The following ADK variants were observed in gnomAD, a reference collection of about 807,000 sequenced individuals.
ADK encodes the protein adenosine kinase.
Under a neutral mutation model 44.7 loss-of-function variants are expected in ADK, and 24 were observed. The ratio of observed to expected loss-of-function variants is 0.54; its 90% CI spans 0.39 to 0.76. The LOEUF is 0.76. Among genes scored for constraint, ADK ranks in the 30% least tolerant of loss-of-function variants. The pLI is 0.00. For synonymous variants in ADK, 128 were observed against 142.6 expected, an observed-to-expected ratio of 0.90 and a Z score of 0.73; for missense variants, 321 against 425.1, an observed-to-expected ratio of 0.76 and a Z score of 2.15.
At chr10:74,402,457 T>C (rs558643627) in intron 6 of ADK, among the ~76,000 whole-genome samples, 20 of 152,296 alleles carry the variant, frequency 1.3e-4, no homozygotes, top group Non-Finnish European at 2.4e-4. Context: ...TCTTTTTTTT[T>C]CTCTAAACTA....
chr10:74,340,656 A>C (rs1251977387), intron 4 of ADK, among the ~76,000 whole-genome samples: 1 of 152,200 alleles, frequency 6.6e-6, no homozygotes. Flanking sequence ...AAATAACATA[A>C]ATAGAAATTC....
intron 7 of ADK, among the ~76,000 whole-genome samples, chr10:74,527,132 C>T (rs201373414): frequency 6.6e-6 from 1 of 152,120 alleles, no homozygotes; most frequent in African/African-American, 2.4e-5. Context: ...GAGGCAGAGG[C>T]GGGTGGATCA....
intron 3 of ADK, among the ~76,000 whole-genome samples, chr10:74,309,058 T>C (rs747314722): frequency 1.3e-4 from 20 of 152,176 alleles, no homozygotes; most frequent in Non-Finnish European, 2.9e-4. Flanking sequence ...TAAATGATTC[T>C]ATGTTGAAGG....
intron 9 of ADK, among the ~76,000 whole-genome samples, chr10:74,621,807 T>G (rs922982243): frequency 5.3e-5 from 8 of 152,134 alleles, no homozygotes; most frequent in African/African-American, 9.7e-5. Flanking sequence ...AGAGTCCAAT[T>G]AGATCTAGGA....
chr10:74,404,965 G>T (rs992831326), intron 6 of ADK, among the ~76,000 whole-genome samples: 1 of 151,940 alleles, frequency 6.6e-6, no homozygotes, highest in Non-Finnish European at 1.5e-5. Flanking sequence ...ATTATGTTTG[G>T]AATATTTGCA....
chr10:74,540,252 T>A (rs889412802), intron 7 of ADK, among the ~76,000 whole-genome samples: 3 of 152,184 alleles, frequency 2.0e-5, no homozygotes, highest in African/African-American at 7.2e-5. Context: ...CTGTGTAATT[T>A]GAAATAGTTT....
intron 6 of ADK, among the ~76,000 whole-genome samples, chr10:74,484,587 GA>G (rs1157303640): frequency 6.6e-6 from 1 of 152,070 alleles, no homozygotes; most frequent in South Asian, 2.1e-4. Context: ...AGATTTTTGT[GA>G]AACTTTACCA....
At chr10:74,429,526 G>A (rs1488599969) in intron 6 of ADK, among the ~76,000 whole-genome samples, 2 of 152,118 alleles carry the variant, frequency 1.3e-5, no homozygotes, top group Admixed American at 1.3e-4. Flanking sequence ...TATCTGTTGT[G>A]GGAGTAGGGA....
At chr10:74,383,412 C>CTG (rs1171778180) in intron 4 of ADK, among the ~76,000 whole-genome samples, 19 of 150,420 alleles carry the variant, frequency 1.3e-4, no homozygotes, top group Middle Eastern at 3.4e-3. Context: ...GTCTCTGTCT[C>CTG]TCTCTCTCTC....
At position 74,328,951 on chromosome 10, in the gene ADK, A is replaced by G. The variant is rs1383190590; in HGVS notation, c.273+14206A>G. 2.0e-5 allele frequency among the ~76,000 whole-genome samples: 3 copies of G among 152,032 alleles called. No homozygotes were observed. The East Asian group carries it at 5.8e-4, about 29-fold the overall frequency. On this transcript the variant is annotated intron_variant, in intron 4 of 10. Coordinates refer to ENST00000539909, the MANE Select transcript of ADK (RefSeq NM_006721.4). ...GTAGTCGTCTTGCCACTGAGAAGAT[A>G]CTAATTGTGACAAGTTAATGGGTGC...
At chr10:74,303,380 T>C (rs1316134839) in intron 3 of ADK, among the ~76,000 whole-genome samples, 1 of 152,092 alleles carries the variant, frequency 6.6e-6, no homozygotes, top group East Asian at 1.9e-4. Flanking sequence ...TTCAATAGGA[T>C]TAAAAACACA....
At chr10:74,582,831 T>C (rs1851415780) in intron 7 of ADK, among the ~76,000 whole-genome samples, 1 of 152,170 alleles carries the variant, frequency 6.6e-6, no homozygotes, top group Non-Finnish European at 1.5e-5. Context: ...AAGCATATGG[T>C]AACAAATGTC....
intron 7 of ADK, among the ~76,000 whole-genome samples, chr10:74,568,357 A>G (rs943473012): frequency 2.0e-5 from 3 of 152,058 alleles, no homozygotes; most frequent in Admixed American, 6.5e-5. Flanking sequence ...TACAGTCAGC[A>G]TCAATGTTGA....
chr10:74,691,717 A>G (rs1201178149), intron 10 of ADK, among the ~76,000 whole-genome samples: 1 of 152,120 alleles, frequency 6.6e-6, no homozygotes, highest in Non-Finnish European at 1.5e-5. Flanking sequence ...AGCACGCAAC[A>G]GATCAATGAG....
chr10:74,595,207 A>G (rs1348449351), intron 8 of ADK, among the ~76,000 whole-genome samples: 4 of 147,138 alleles, frequency 2.7e-5, no homozygotes, highest in Non-Finnish European at 6.0e-5. Flanking sequence ...AGGCTCTATG[A>G]CTTTTTCAAA....
At chr10:74,500,619 AT>A (rs1313203742) in intron 6 of ADK, among the ~76,000 whole-genome samples, 1 of 152,240 alleles carries the variant, frequency 6.6e-6, no homozygotes, top group African/African-American at 2.4e-5. Flanking sequence ...TATTTTAAAA[AT>A]TACATCAAAT....
At chr10:74,636,722 G>A (rs1006626551) in intron 9 of ADK, among the ~76,000 whole-genome samples, 5 of 152,152 alleles carry the variant, frequency 3.3e-5, no homozygotes, top group African/African-American at 1.2e-4. Context: ...AAGGTGTTAA[G>A]GACACAAGAA....
chr10:74,462,054 A>C (rs902972778), intron 6 of ADK, among the ~76,000 whole-genome samples: 1 of 152,106 alleles, frequency 6.6e-6, no homozygotes, highest in African/African-American at 2.4e-5. Flanking sequence ...CTTTAAAAGC[A>C]TATGTCTGTT....
At chr10:74,703,473 T>C (rs1427257690) in intron 10 of ADK, among the ~76,000 whole-genome samples, 1 of 151,966 alleles carries the variant, frequency 6.6e-6, no homozygotes, top group Non-Finnish European at 1.5e-5. Context: ...GCAATCAGAG[T>C]AAGACCCTGT....
Sources: allele counts gnomAD v4.1 joint callset (sites outside exome capture counted in the v4.1 genomes callset), GRCh38; gene constraint gnomAD v4.1.1; transcripts MANE v1.5; gene names NCBI Gene and HGNC (gene_info 2026-07-23, HGNC 2026-07-21).